C3orf52: variants seen among roughly 807,000 people sequenced by gnomAD.
C3orf52 encodes the protein chromosome 3 open reading frame 52.
A neutral mutation model predicts 24.8 loss-of-function variants in C3orf52; 22 were observed. That is an observed-to-expected ratio of 0.89 (90% confidence interval 0.63 to 1.27). The LOEUF is 1.27. Ranked by LOEUF, C3orf52 falls within the 50% of genes most tolerant of loss-of-function variation. The pLI, the probability that C3orf52 is intolerant of heterozygous loss-of-function variation, is 0.00. For missense variants in C3orf52, 265 were observed against 260.7 expected (o/e 1.02, Z -0.11); for synonymous variants, 93 against 100.2 (o/e 0.93, Z 0.43).
intron 3 of C3orf52, among the ~76,000 whole-genome samples, chr3:112,106,297 T>C (rs9874686): frequency 0.061 from 9,318 of 152,024 alleles, 390 homozygotes; most frequent in African/African-American, 0.12. Context: ...TTCACTATAT[T>C]GCCTAGGCTG....
chr3:112,103,355 C>T (rs148584734), intron 3 of C3orf52, among the ~76,000 whole-genome samples: 17 of 152,252 alleles, frequency 1.1e-4, no homozygotes, highest in African/African-American at 3.6e-4. Flanking sequence ...CATGTATTCT[C>T]CTGAGCCTAA....
chr3:112,097,994 A>G (rs1359115587), intron 2 of C3orf52, among the ~76,000 whole-genome samples: 1 of 152,184 alleles, frequency 6.6e-6, no homozygotes, highest in Non-Finnish European at 1.5e-5. Flanking sequence ...GAAAAGTTCA[A>G]CCTCAGGTAT....
intron 5 of C3orf52, among the ~76,000 whole-genome samples, chr3:112,116,075 G>A (rs2074130978): frequency 6.6e-6 from 1 of 152,230 alleles, no homozygotes; most frequent in Middle Eastern, 3.4e-3. Context: ...AGGGAAAAAG[G>A]GCAAAACCAG....
At chr3:112,134,070 A>T (rs1170900538), downstream of C3orf52, 1 of 152,282 alleles carries the variant, frequency 6.6e-6, no homozygotes, top group Non-Finnish European at 1.5e-5. Context: ...AGTGTCAGAG[A>T]TGTGGCTTAA....
At chr3:112,090,597 C>T (rs910254786) in intron 1 of C3orf52, among the ~76,000 whole-genome samples, 20 of 152,122 alleles carry the variant, frequency 1.3e-4, no homozygotes, top group African/African-American at 4.8e-4. Context: ...CACTAGGCTA[C>T]AGGAAGAGGC....
chr3:112,125,396 A>G, intron 4 of C3orf52: 1 of 646,972 alleles, frequency 1.5e-6, no homozygotes, highest in Non-Finnish European at 2.8e-6. Context: ...TCTACAGCAC[A>G]TCCCTGGGGA....
chr3:112,103,330 T>C (rs1474524337), intron 3 of C3orf52, among the ~76,000 whole-genome samples: 1 of 152,110 alleles, frequency 6.6e-6, no homozygotes, highest in Non-Finnish European at 1.5e-5. Flanking sequence ...AGTTTACCTA[T>C]AGAAGAAACA....
chr3:112,112,432 C>T (rs752236133), intron 4 of C3orf52: 2 of 158,378 alleles, frequency 1.3e-5, no homozygotes, highest in Non-Finnish European at 2.8e-5. Context: ...TCTCTGTCAA[C>T]GTTCAGAAGT....
At chr3:112,131,664 G>A (rs2074455148), downstream of C3orf52, among the ~76,000 whole-genome samples, 1 of 152,230 alleles carries the variant, frequency 6.6e-6, no homozygotes, top group South Asian at 2.1e-4. Context: ...AAATAAAGAT[G>A]TTGGGCAAAC....
the C3orf52 span, among the ~76,000 whole-genome samples, chr3:112,136,203 CTT>C: frequency 6.6e-6 from 1 of 152,194 alleles, no homozygotes; most frequent in Non-Finnish European, 1.5e-5. Context: ...GTCAAGTCCT[CTT>C]ATGTGAATAC....
chr3:112,098,915 T>G (rs564067886), intron 2 of C3orf52, among the ~76,000 whole-genome samples: 3 of 152,164 alleles, frequency 2.0e-5, no homozygotes, highest in Non-Finnish European at 4.4e-5. Context: ...CTGATATTGT[T>G]TGGATTTGTG....
Position 112,093,490 on chromosome 3 carries a change from G to GT in C3orf52, c.268+2dup. ...ATCATAGGCTTATGTCTTGCTGCAG[G>GT]TAAGAGGATTTAGATGTGAATAAAT... On this transcript the variant is annotated splice_donor_variant, in intron 2 of 5. Coordinates refer to ENST00000264848, the MANE Select transcript of C3orf52 (RefSeq NM_024616.3). LOFTEE classifies it high-confidence loss of function. The GT allele has an allele frequency of 6.2e-7, 1 of 1,612,234 alleles. No individual in the cohort carries two copies. Among genetic ancestry groups the GT allele is most frequent in the Non-Finnish European group, 8.5e-7 (1 of 1,179,088 alleles).
chr3:112,103,506 T>C (rs2073996606), intron 3 of C3orf52, among the ~76,000 whole-genome samples: 1 of 152,204 alleles, frequency 6.6e-6, no homozygotes, highest in African/African-American at 2.4e-5. Flanking sequence ...ATTCAACCTA[T>C]AGTATTCATT....
chr3:112,134,799 A>C (rs997321690), downstream of C3orf52: 1 of 154,798 alleles, frequency 6.5e-6, no homozygotes, highest in Non-Finnish European at 1.5e-5. Flanking sequence ...CAGAATCCTG[A>C]CCATCATTGA....
rs930483042 is a variant in C3orf52, at chr3:112,102,907, T to C, written c.338T>C (p.Leu113Pro). 4 of 1,609,910 alleles carry C rather than the reference T, an allele frequency of 2.5e-6. No individual in the cohort carries two copies. Among genetic ancestry groups the C allele is most frequent in the African/African-American group, 2.7e-5 (2 of 74,890 alleles). Residue 113 changes from leucine to proline, a missense_variant, in exon 3 of 6, where the codon CTG (leucine) becomes CCG (proline). Physicochemically the swap from Leu to Pro is moderately conservative, Grantham distance 98. Transcript: ENST00000264848. ...LSSNKTFFIM[L>P]KIPEECVAEE... ...TCAAACAAAACATTCTTCATCATGCTGAAGATTCCAGAGGAGTGTGTTGCT... is the reference window on the plus strand; with the variant it reads ...TCAAACAAAACATTCTTCATCATGCCGAAGATTCCAGAGGAGTGTGTTGCT...
chr3:112,115,262 AAAG>A (rs1018375910), intron 5 of C3orf52, among the ~76,000 whole-genome samples: 8 of 152,158 alleles, frequency 5.3e-5, no homozygotes, highest in East Asian at 1.9e-4. Context: ...GGAAGTGAGG[AAAG>A]AAGAAGAGGG....
intron 4 of C3orf52, chr3:112,123,402 C>T: frequency 1.9e-6 from 3 of 1,577,802 alleles, no homozygotes; most frequent in Non-Finnish European, 2.6e-6. Context: ...GGCAGATCCC[C>T]CATCCCACCT....
intron 5 of C3orf52, among the ~76,000 whole-genome samples, chr3:112,114,575 G>A (rs1043075733): frequency 6.6e-6 from 1 of 152,002 alleles, no homozygotes; most frequent in Non-Finnish European, 1.5e-5. Context: ...ATGGTGGCAG[G>A]TGCTTATAAT....
chr3:112,111,422 C>T (rs1400509016), intron 4 of C3orf52: 2 of 152,266 alleles, frequency 1.3e-5, no homozygotes, highest in East Asian at 3.8e-4. Flanking sequence ...TGGACTGGCC[C>T]AGCTAGAACC....
Sources: gnomAD v4.1 joint callset for allele counts (sites outside exome capture counted in the v4.1 genomes callset) on GRCh38, gnomAD v4.1.1 for gene constraint, MANE v1.5 for transcripts, NCBI Gene and HGNC (gene_info 2026-07-23, HGNC 2026-07-21) for gene names.